The following CHM variants were observed in gnomAD, a reference collection of about 807,000 sequenced individuals.
CHM encodes the protein CHM Rab escort protein.
A neutral mutation model predicts 49.0 loss-of-function variants in CHM; 10 were observed. That is an observed-to-expected ratio of 0.20 (90% CI 0.13 to 0.35). The LOEUF is 0.35. Among genes scored for constraint, CHM ranks in the 10% least tolerant of loss-of-function variants. The pLI is 1.00. For missense variants in CHM, 455 were observed against 478.4 expected (o/e 0.95, Z 0.46); for synonymous variants, 184 against 167.5 (o/e 1.10, Z -0.76).
Position 85,873,043 on chromosome X carries a change from G to A in CHM, c.1770+9C>T. On this transcript the variant is annotated intron_variant, in intron 14 of 14. Coordinates refer to ENST00000357749, the MANE Select transcript of CHM (RefSeq NM_000390.4). ...TTAATACAAAACTGAGAAACATCAA[G>A]AGCCTTACCTGTTTGACTGCATTAT... 8.3e-7 allele frequency: 1 copy of A among 1,203,384 alleles called. No individual in the cohort carries two copies. Among genetic ancestry groups the A allele is most frequent in the Non-Finnish European group, 1.1e-6 (1 of 889,055 alleles).
At chrX:86,022,090 A>G (rs1475433288) in intron 2 of CHM, among the ~76,000 whole-genome samples, 2 of 112,018 alleles carry the variant, frequency 1.8e-5, no homozygotes, top group African/African-American at 6.5e-5. Context: ...CAAGATCAAA[A>G]GAGCTCTGGA....
intron 14 of CHM, among the ~76,000 whole-genome samples, chrX:85,869,332 TTAC>T (rs1380696527): frequency 9.0e-6 from 1 of 111,188 alleles, no homozygotes; most frequent in African/African-American, 3.3e-5. Flanking sequence ...ATAATTATTA[TTAC>T]TACTAATTCT....
At chrX:85,971,493 C>G in intron 4 of CHM, 1 of 228,679 alleles carries the variant, frequency 4.4e-6, no homozygotes, top group South Asian at 4.2e-5. Context: ...TGGAGTTGTT[C>G]GTTCCTCCCG....
At chrX:85,880,177 T>C (rs1251914015) in intron 12 of CHM, among the ~76,000 whole-genome samples, 2 of 111,612 alleles carry the variant, frequency 1.8e-5, no homozygotes, top group Non-Finnish European at 3.8e-5. Flanking sequence ...GAATTACTTA[T>C]GGCCTAATAA....
chrX:86,027,003 A>C (rs1189221109), intron 2 of CHM: 2 of 115,854 alleles, frequency 1.7e-5, no homozygotes, highest in African/African-American at 6.5e-5. Context: ...AAAAAAGGGA[A>C]AAACATAATT....
chrX:86,027,320 T>C (rs897503771), intron 2 of CHM, 171 bp downstream of exon 2: 1 of 457,177 alleles, frequency 2.2e-6, no homozygotes, highest in Non-Finnish European at 3.9e-6. Flanking sequence ...ATGCTATATA[T>C]TTCACATATT....
chrX:85,885,815 C>G (rs1925051089), intron 12 of CHM, among the ~76,000 whole-genome samples: 2 of 111,296 alleles, frequency 1.8e-5, no homozygotes, highest in Non-Finnish European at 3.8e-5. Flanking sequence ...ATACTGATTA[C>G]ATGTCTGTCA....
intron 4 of CHM, among the ~76,000 whole-genome samples, chrX:85,967,073 C>T (rs1021374723): frequency 2.1e-4 from 23 of 111,750 alleles, no homozygotes; most frequent in Non-Finnish European, 4.1e-4. Context: ...AATAAAAACA[C>T]AACACTGTCC....
chrX:85,981,884 C>A (rs1931641273), intron 2 of CHM, 75 bp from the exon 3 acceptor site: 2 of 772,078 alleles, frequency 2.6e-6, no homozygotes, highest in African/African-American at 4.3e-5. Flanking sequence ...CATCAACAAA[C>A]CATCTTTAAC....
At chrX:85,972,179 G>C (rs1930961656) in intron 4 of CHM, among the ~76,000 whole-genome samples, 1 of 111,469 alleles carries the variant, frequency 9.0e-6, no homozygotes, top group South Asian at 3.8e-4. Context: ...AGTGTCGATT[G>C]GTGCACTCAC....
At chrX:85,880,028 A>G (rs1924665567) in intron 12 of CHM, among the ~76,000 whole-genome samples, 1 of 110,923 alleles carries the variant, frequency 9.0e-6, no homozygotes, top group South Asian at 3.8e-4. Context: ...TCATTATCAA[A>G]ATTTATTCTA....
intron 4 of CHM, chrX:85,971,545 A>T: frequency 3.5e-6 from 1 of 286,937 alleles, no homozygotes; most frequent in Non-Finnish European, 6.7e-6. Flanking sequence ...GAAGCTGCAG[A>T]TCTTCGCGGT....
chrX:86,044,499 A>G (rs992891270), intron 1 of CHM, among the ~76,000 whole-genome samples: 7 of 111,862 alleles, frequency 6.3e-5, no homozygotes, highest in Non-Finnish European at 1.3e-4. Flanking sequence ...AAGCATGTCA[A>G]TATTATCATA....
chrX:85,956,105 T>C, intron 8 of CHM, 48 bp downstream of exon 8: 2 of 1,073,807 alleles, frequency 1.9e-6, no homozygotes, highest in Non-Finnish European at 2.6e-6. Flanking sequence ...TCATCTGTTA[T>C]TCAAGTATCA....
intron 11 of CHM, among the ~76,000 whole-genome samples, chrX:85,899,657 G>A (rs777152758): frequency 4.8e-5 from 5 of 104,983 alleles, no homozygotes; most frequent in Non-Finnish European, 7.8e-5. Context: ...CCAAAAATCC[G>A]AAATCCAAAA....
At chrX:85,934,132 C>A (rs938895899) in intron 8 of CHM, among the ~76,000 whole-genome samples, 3 of 109,470 alleles carry the variant, frequency 2.7e-5, no homozygotes, top group African/African-American at 1.0e-4. Flanking sequence ...AAAGGCCTGC[C>A]ACTACACCAG....
intron 8 of CHM, among the ~76,000 whole-genome samples, chrX:85,950,940 T>C (rs1357161880): frequency 8.9e-6 from 1 of 111,860 alleles, no homozygotes; most frequent in Non-Finnish European, 1.9e-5. Flanking sequence ...ACACTGAACT[T>C]TTCAGTGGCA....
At chrX:85,993,345 C>G (rs1403152488) in intron 2 of CHM, among the ~76,000 whole-genome samples, 2 of 111,544 alleles carry the variant, frequency 1.8e-5, no homozygotes, top group African/African-American at 3.3e-5. Flanking sequence ...ATCTTAAACT[C>G]ATTCATCATT....
At chrX:85,966,974 G>A (rs779710720) in intron 4 of CHM, among the ~76,000 whole-genome samples, 1 of 111,663 alleles carries the variant, frequency 9.0e-6, no homozygotes, top group East Asian at 2.8e-4. Flanking sequence ...ATTATTCTTC[G>A]GAAATTTTTT....
Sources: allele counts gnomAD v4.1 joint callset (sites outside exome capture counted in the v4.1 genomes callset), GRCh38; gene constraint gnomAD v4.1.1; transcripts MANE v1.5; gene names NCBI Gene and HGNC (gene_info 2026-07-23, HGNC 2026-07-21).